TOP2A: variants seen among roughly 807,000 people sequenced by gnomAD.
The protein encoded by TOP2A is DNA topoisomerase II alpha, also known as DNA topoisomerase 2-alpha.
TOP2A carries 68 observed loss-of-function variants against 187.2 expected under a neutral mutation model. That is an observed-to-expected ratio of 0.36 (90% CI 0.30 to 0.44). The LOEUF (loss-of-function observed/expected upper bound fraction) is 0.44, where lower values mean the gene tolerates loss of function less well. Ranked by LOEUF, TOP2A falls within the 20% of genes least tolerant of loss-of-function variation. The pLI, the probability that TOP2A is intolerant of heterozygous loss-of-function variation, is 1.00. For missense variants in TOP2A, 1,196 were observed against 1,808.7 expected (o/e 0.66, Z 6.14); for synonymous variants, 542 against 593.2 (o/e 0.91, Z 1.25).
At chr17:40,407,899 T>C in intron 12 of TOP2A, 68 bp downstream of exon 12, 1 of 1,466,918 alleles carries the variant, frequency 6.8e-7, no homozygotes, top group East Asian at 2.3e-5. Flanking sequence ...AATGAGGGAA[T>C]TAAATATAAG....
At position 40,413,178 on chromosome 17, in the gene TOP2A, G is replaced by T; in HGVS notation, c.576+17C>A. On this transcript the variant is annotated intron_variant, in intron 6 of 34. Coordinates refer to ENST00000423485, the MANE Select transcript of TOP2A (RefSeq NM_001067.4). Reference sequence around the variant, plus strand: ...ACTACCATTTATCATTAAGGTACAAGACACTTATTTACTTGCCTGTTTGAA... The same window carrying T: ...ACTACCATTTATCATTAAGGTACAATACACTTATTTACTTGCCTGTTTGAA... 1.3e-6 allele frequency: 2 copies of T among 1,519,460 alleles called. No homozygotes were observed. The highest frequency in any genetic ancestry group is 1.2e-5 in the South Asian group (1 of 83,240). 94.1% of individuals were successfully genotyped at this position (1,519,460 alleles called of 1,614,324 possible). A position where few individuals can be genotyped will look rare whatever the true frequency, so the allele number is the denominator to read the frequency against.
chr17:40,392,346 T>C lies in TOP2A; in HGVS notation c.3965-5A>G. On this transcript the variant is annotated splice_polypyrimidine_tract_variant and splice_region_variant and intron_variant, in intron 30 of 34. Coordinates refer to ENST00000423485, the MANE Select transcript of TOP2A (RefSeq NM_001067.4). ...CCATTGTGAATTTTGTTTTTGCTAG[T>C]AAAAAAACCATATACAAAAAAATCA... 6.3e-7 allele frequency: 1 copy of C among 1,578,538 alleles called. No homozygotes were observed. The highest frequency in any genetic ancestry group is 1.1e-5 in the South Asian group (1 of 87,096).
chr17:40,395,624 G>A (rs192842927), intron 28 of TOP2A, 85 bp from the exon 29 acceptor site: 12 of 912,318 alleles, frequency 1.3e-5, no homozygotes, highest in African/African-American at 5.1e-5. Flanking sequence ...GGCTGGGAGC[G>A]GTGGCTCACG....
chr17:40,405,152 G>T (rs2035223977), intron 16 of TOP2A, among the ~76,000 whole-genome samples: 1 of 151,052 alleles, frequency 6.6e-6, no homozygotes. Context: ...ACCACGCCCA[G>T]CTAATTTTTG....
chr17:40,409,374 CAA>C (rs747082446), intron 10 of TOP2A: 32 of 330,770 alleles, frequency 9.7e-5, no homozygotes, highest in South Asian at 2.4e-4. Context: ...AAGCTGTCTC[CAA>C]AAAAAAAAAT....
At chr17:40,392,771 T>C in intron 29 of TOP2A, 34 bp from the exon 30 acceptor site, 1 of 1,534,942 alleles carries the variant, frequency 6.5e-7, no homozygotes, top group Non-Finnish European at 8.8e-7. Context: ...CACCTTTATA[T>C]ATTAGACCCA....
intron 28 of TOP2A, 49 bp downstream of exon 28, chr17:40,396,234 G>T: frequency 9.7e-7 from 1 of 1,032,946 alleles, no homozygotes; most frequent in Non-Finnish European, 1.4e-6. Context: ...ACCCACCTTG[G>T]CCCCCAAAGT....
chr17:40,413,010 T>C (rs1369217862), intron 6 of TOP2A, 39 bp from the exon 7 acceptor site: 2 of 1,534,258 alleles, frequency 1.3e-6, no homozygotes, highest in African/African-American at 2.7e-5. Flanking sequence ...AAAATTCAAG[T>C]CATCTCACAA....
chr17:40,408,646 TTCATATTAGGGA>T lies in TOP2A; in HGVS notation c.1204-28_1204-17del, dbSNP rs1474861326. The stretch of plus-strand genomic sequence containing the variant: ...AGCCAATGGCCTGAAAACGAGAAGA[TTCATATTAGGGA>T]TCATATTAGGGAAGAAGGGATCTAT... On this transcript the variant is annotated splice_polypyrimidine_tract_variant and intron_variant, in intron 10 of 34. Transcript: ENST00000423485. 1.2e-6 allele frequency: 2 copies of T among 1,612,946 alleles called. No homozygotes were observed. The highest frequency in any genetic ancestry group is 1.1e-5 in the South Asian group (1 of 91,066).
chr17:40,412,585 G>C (rs1025656105), intron 7 of TOP2A, among the ~76,000 whole-genome samples, 174 bp downstream of exon 7: 1 of 152,092 alleles, frequency 6.6e-6, no homozygotes, highest in Admixed American at 6.5e-5. Context: ...TGGAGGTTGC[G>C]GTGAGCCGAG....
At chr17:40,407,714 T>C in intron 12 of TOP2A, 40 bp from the exon 13 acceptor site, 1 of 1,523,380 alleles carries the variant, frequency 6.6e-7, no homozygotes, top group African/African-American at 1.4e-5. Flanking sequence ...CGTTTATAAA[T>C]TTGAAAAGAA....
intron 16 of TOP2A, among the ~76,000 whole-genome samples, chr17:40,405,914 G>A (rs1417674224): frequency 1.3e-5 from 2 of 151,718 alleles, no homozygotes; most frequent in African/African-American, 4.8e-5. Context: ...CTATAGCTGC[G>A]TGCCACCACG....
chr17:40,413,595 A>G lies in TOP2A; in HGVS notation c.363T>C (p.Asn121=), dbSNP rs1161516021. 5.5e-6 allele frequency: 8 copies of G among 1,445,814 alleles called. No individual in the cohort carries two copies. Among genetic ancestry groups the G allele is most frequent in the Non-Finnish European group, 7.5e-6 (8 of 1,060,134 alleles). The allele number at this position is 1,445,814 out of a possible 1,614,324, so 89.6% of individuals were successfully genotyped here. ...PENNLISIWN[N]GKGIPVVEHK... ...GTTCAACAACAGGAATACCTTTTCC[A>G]TTATTCCATATACTAATTAAATTGT... Residue 121 remains asparagine (N), a synonymous_variant, in exon 5 of 35, where the codon AAT becomes AAC. Transcript: ENST00000423485.
chr17:40,399,186 G>A, intron 24 of TOP2A, 55 bp from the exon 25 acceptor site: 1 of 1,276,228 alleles, frequency 7.8e-7, no homozygotes, highest in Non-Finnish European at 1.1e-6. Context: ...TTTAGGAAGG[G>A]GATAAGGTTT....
chr17:40,417,538 TAG>T, intron 1 of TOP2A: 4 of 1,423,254 alleles, frequency 2.8e-6, no homozygotes, highest in Non-Finnish European at 3.7e-6. Context: ...CTCCTGCCCC[TAG>T]AAACAGGGCA....
intron 10 of TOP2A, chr17:40,409,707 G>C (rs2035296218): frequency 4.7e-6 from 1 of 214,066 alleles, no homozygotes; most frequent in Non-Finnish European, 9.5e-6. Flanking sequence ...TTGAACCTGG[G>C]AGGCAGAGAT....
intron 16 of TOP2A, 62 bp from the exon 17 acceptor site, chr17:40,404,945 C>G: frequency 2.0e-6 from 2 of 993,554 alleles, no homozygotes; most frequent in Non-Finnish European, 3.0e-6. Flanking sequence ...TCCAAAATAT[C>G]CTTCTACAAA....
chr17:40,390,771 A>T (rs2035014062), intron 33 of TOP2A, among the ~76,000 whole-genome samples: 1 of 150,920 alleles, frequency 6.6e-6, no homozygotes, highest in South Asian at 2.1e-4. Context: ...GACTACAGGC[A>T]TGTGCCACCA....
intron 10 of TOP2A, chr17:40,410,141 C>G (rs1320231215): frequency 6.0e-6 from 1 of 165,520 alleles, no homozygotes; most frequent in African/African-American, 2.4e-5. Flanking sequence ...TATGGATAAG[C>G]AAAAAGTTTG....
Sources: gnomAD v4.1 joint callset for allele counts (sites outside exome capture counted in the v4.1 genomes callset) on GRCh38, gnomAD v4.1.1 for gene constraint, MANE v1.5 for transcripts, NCBI Gene and HGNC (gene_info 2026-07-23, HGNC 2026-07-21) for gene names.